AKAP8L: variants seen among roughly 807,000 people sequenced by gnomAD.
The protein encoded by AKAP8L is A-kinase anchoring protein 8 like.
In AKAP8L, 34 loss-of-function variants were observed where a neutral mutation model predicts 77.5. That is an observed-to-expected ratio of 0.44 (90% CI 0.33 to 0.58). The LOEUF (loss-of-function observed/expected upper bound fraction) is 0.58. AKAP8L is among the 20% of genes least tolerant of loss of function. The pLI is 0.02. For missense variants in AKAP8L, 806 were observed against 887.6 expected (o/e 0.91, Z 1.17); for synonymous variants, 342 against 340.7 (o/e 1.00, Z -0.04).
intron 4 of AKAP8L, among the ~76,000 whole-genome samples, chr19:15,402,776 C>CATA (rs1967924888): frequency 6.6e-6 from 1 of 152,238 alleles, no homozygotes; most frequent in African/African-American, 2.4e-5. Flanking sequence ...TCGCACTGGG[C>CATA]ATAAGCACTC....
intron 12 of AKAP8L, among the ~76,000 whole-genome samples, chr19:15,389,627 C>T (rs569085224): frequency 6.6e-6 from 1 of 152,222 alleles, no homozygotes; most frequent in South Asian, 2.1e-4. Context: ...AAAAATTAGC[C>T]GGGCATGGTG....
Position 15,380,523 on chromosome 19 carries a change from G to A in AKAP8L, c.1626C>T (p.Tyr542=), listed in dbSNP as rs774492314. The change falls in exon 13 of 14, where the codon TAC becomes TAT. Residue 542 remains tyrosine (Y), a synonymous_variant. Transcript: ENST00000397410. Reference sequence around the variant, plus strand: ...GCCCGGACCAGTGCCTCACCTTCAGGTAGCGCTCCAGCTTCTTGCTGATGA... The same window carrying A: ...GCCCGGACCAGTGCCTCACCTTCAGATAGCGCTCCAGCTTCTTGCTGATGA... ...NKLISKKLER[Y]LKGENPFTDS... 4 of 1,613,776 alleles carry A rather than the reference G, an allele frequency of 2.5e-6. No homozygotes were observed. Among genetic ancestry groups the A allele is most frequent in the Non-Finnish European group, 2.5e-6 (3 of 1,179,892 alleles).
chr19:15,393,080 G>A (rs1048485098), intron 12 of AKAP8L, among the ~76,000 whole-genome samples: 1 of 151,828 alleles, frequency 6.6e-6, no homozygotes, highest in Admixed American at 6.6e-5. Context: ...TCATTCAATG[G>A]GGGGAAAACA....
At chr19:15,410,436 G>C in intron 2 of AKAP8L, 84 bp downstream of exon 2, 1 of 1,177,570 alleles carries the variant, frequency 8.5e-7, no homozygotes, top group South Asian at 1.3e-5. Context: ...AGCATGACAG[G>C]GTGACAGCAA....
intron 12 of AKAP8L, among the ~76,000 whole-genome samples, chr19:15,392,896 C>CCAAAAAAAAAAAAA (rs1967692262): frequency 2.3e-5 from 1 of 43,122 alleles, no homozygotes; most frequent in East Asian, 8.5e-4. Context: ...AACTCTGTCT[C>CCAAAAAAAAAAAAA]AAAAAAAAAA....
Position 15,398,983 on chromosome 19 carries a change from T to G in AKAP8L, c.1157+319A>C. The stretch of plus-strand genomic sequence containing the variant: ...GTCTCTGATGAGCTGGCCCCCTCCC[T>G]CAGGGGCATCAGGCCCCCAGTGCAC... On this transcript the variant is annotated intron_variant, in intron 9 of 13. Transcript: ENST00000397410. This position sits in a 1 kb window ranked among gnomAD's most constrained non-coding sequence, Gnocchi z 9.2. 1 of 394,146 alleles carries G rather than the reference T, an allele frequency of 2.5e-6. No homozygotes were observed. The highest frequency in any genetic ancestry group is 4.6e-6 in the Non-Finnish European group (1 of 217,012). 24.4% of individuals were successfully genotyped at this position (394,146 alleles called of 1,614,324 possible). A position where few individuals can be genotyped will look rare whatever the true frequency, so the allele number is the denominator to read the frequency against.
At chr19:15,384,091 C>A (rs1198413465) in intron 12 of AKAP8L, among the ~76,000 whole-genome samples, 3 of 151,794 alleles carry the variant, frequency 2.0e-5, no homozygotes, top group Admixed American at 6.6e-5. Flanking sequence ...ACCACCCCAC[C>A]CGGCTAATTT....
At chr19:15,384,974 C>T (rs967893726) in intron 12 of AKAP8L, among the ~76,000 whole-genome samples, 4 of 150,374 alleles carry the variant, frequency 2.7e-5, no homozygotes, top group African/African-American at 9.8e-5. Flanking sequence ...AGGTTCATGC[C>T]ATTCTCTTTT....
At chr19:15,390,044 G>T (rs970180659) in intron 12 of AKAP8L, among the ~76,000 whole-genome samples, 6 of 150,862 alleles carry the variant, frequency 4.0e-5, no homozygotes, top group Admixed American at 4.0e-4. Context: ...TACTAAAAAT[G>T]ACTTAAAAAA....
chr19:15,418,656 G>A (rs2043253211), intron 1 of AKAP8L, among the ~76,000 whole-genome samples: 1 of 152,206 alleles, frequency 6.6e-6, no homozygotes, highest in South Asian at 2.1e-4. Context: ...GCTGAGGCCC[G>A]GACCCACGGA....
chr19:15,415,038 C>T (rs1968179244), intron 1 of AKAP8L, among the ~76,000 whole-genome samples: 1 of 152,112 alleles, frequency 6.6e-6, no homozygotes, highest in Non-Finnish European at 1.5e-5. Flanking sequence ...GTGTTGAATT[C>T]CTGGGCTTAA....
intron 4 of AKAP8L, among the ~76,000 whole-genome samples, chr19:15,402,457 G>A (rs1967918802): frequency 6.6e-6 from 1 of 152,178 alleles, no homozygotes; most frequent in African/African-American, 2.4e-5. Flanking sequence ...TGGTGCTGCC[G>A]CTGCTCTGCT....
chr19:15,418,382 C>A (rs4809191), intron 1 of AKAP8L, among the ~76,000 whole-genome samples: 1 of 152,164 alleles, frequency 6.6e-6, no homozygotes, highest in Non-Finnish European at 1.5e-5. Flanking sequence ...CCAAACCCTT[C>A]CAATATTTAC....
intron 12 of AKAP8L, among the ~76,000 whole-genome samples, chr19:15,392,759 G>C (rs1281750536): frequency 2.6e-5 from 4 of 151,372 alleles, no homozygotes; most frequent in Non-Finnish European, 5.9e-5. Flanking sequence ...AGCTGGGCGT[G>C]GTGGTGCGTG....
chr19:15,413,450 T>C (rs1316625011), intron 1 of AKAP8L, among the ~76,000 whole-genome samples: 1 of 152,060 alleles, frequency 6.6e-6, no homozygotes, highest in Non-Finnish European at 1.5e-5. Context: ...CTTTCCAGAG[T>C]AGGGACTGGG....
intron 12 of AKAP8L, among the ~76,000 whole-genome samples, chr19:15,390,706 A>G (rs1006038711): frequency 1.3e-5 from 2 of 152,192 alleles, no homozygotes; most frequent in African/African-American, 2.4e-5. Context: ...TCTAATATAT[A>G]AACATAATTA....
chr19:15,406,262 C>T (rs1379538530), intron 2 of AKAP8L, among the ~76,000 whole-genome samples: 2 of 151,304 alleles, frequency 1.3e-5, no homozygotes, highest in African/African-American at 2.4e-5. Flanking sequence ...TCTAGACTGG[C>T]GTTTAGGGAC....
chr19:15,406,860 G>A (rs546947919), intron 2 of AKAP8L, among the ~76,000 whole-genome samples: 21 of 152,248 alleles, frequency 1.4e-4, no homozygotes, highest in Admixed American at 9.8e-4. Flanking sequence ...CAACTTTAAC[G>A]TAATAGTTAA....
rs1700707160 is a variant in AKAP8L at position 15,397,101 on chromosome 19, C to T, written c.1536+49G>A. The T allele has an allele frequency of 6.2e-7, 1 of 1,605,428 alleles. No homozygotes were observed. Among genetic ancestry groups the T allele is most frequent in the Admixed American group, 1.7e-5 (1 of 59,858 alleles). On this transcript the variant is annotated intron_variant, in intron 12 of 13. Coordinates refer to ENST00000397410, the MANE Select transcript of AKAP8L (RefSeq NM_014371.4). This position sits in a 1 kb window ranked among gnomAD's most constrained non-coding sequence, Gnocchi z 4.7. ...CCAACTGCACAACCTCCCCAGAGGC[C>T]TCACTCAATCTACCCACAGGACAGA...
Sources: allele counts gnomAD v4.1 joint callset (sites outside exome capture counted in the v4.1 genomes callset), GRCh38; gene constraint gnomAD v4.1.1; non-coding constraint Gnocchi (gnomAD v3.1); transcripts MANE v1.5; gene names NCBI Gene and HGNC (gene_info 2026-07-23, HGNC 2026-07-21).